Variants in SNRPB2 observed in about 807,000 individuals in gnomAD.
The protein encoded by SNRPB2 is small nuclear ribonucleoprotein polypeptide B2.
Under a neutral mutation model 26.3 loss-of-function variants are expected in SNRPB2, and 16 were observed. That is an observed-to-expected ratio of 0.61 (90% confidence interval 0.41 to 0.92). The LOEUF is 0.92. SNRPB2 is among the 40% of genes least tolerant of loss of function. The probability of loss-of-function intolerance (pLI) is 0.00; values close to 1 mark genes in which losing one functional copy is unlikely to be tolerated. For missense variants in SNRPB2, 179 were observed against 268.1 expected (o/e 0.67, Z 2.32); for synonymous variants, 75 against 89.0 (o/e 0.84, Z 0.88).
chr20:16,739,606 A>G (rs1357111606), intron 5 of SNRPB2, among the ~76,000 whole-genome samples: 1 of 152,152 alleles, frequency 6.6e-6, no homozygotes, highest in East Asian at 1.9e-4. Context: ...CCAGTTCACA[A>G]ATGCCAGCAC....
In SNRPB2 at chr20:16,741,212, T is replaced by C; in HGVS notation, c.*207T>C. On this transcript the variant is annotated 3_prime_UTR_variant, in exon 7 of 7. Coordinates refer to ENST00000246071, the MANE Select transcript of SNRPB2 (RefSeq NM_003092.5). The stretch of plus-strand genomic sequence containing the variant: ...TTTGTACAATAAACTTTTATTTGTA[T>C]TCTGTGTATATAATGCTTTCTTGAT... 1 of 462,184 alleles carries C rather than the reference T, an allele frequency of 2.2e-6. No individual in the cohort carries two copies. Among genetic ancestry groups the C allele is most frequent in the Non-Finnish European group, 3.8e-6 (1 of 260,098 alleles). 28.6% of individuals were successfully genotyped at this position (462,184 alleles called of 1,614,324 possible).
intron 3 of SNRPB2, among the ~76,000 whole-genome samples, chr20:16,734,495 GCTT>G (rs1164338345): frequency 2.0e-5 from 3 of 152,152 alleles, no homozygotes; most frequent in Non-Finnish European, 4.4e-5. Context: ...CTTCCTAAGG[GCTT>G]CGTCATGAAA....
chr20:16,737,419 A>C lies in SNRPB2; in HGVS notation c.378+18A>C. ...CTGGCCAGGTAAGAAAGACCAAGAA[A>C]GTTCCTGTTTGTATTGGTGTTAAAA... On this transcript the variant is annotated intron_variant, in intron 4 of 6. Coordinates refer to ENST00000246071, the MANE Select transcript of SNRPB2 (RefSeq NM_003092.5). 1.3e-6 allele frequency: 2 copies of C among 1,569,912 alleles called. No individual in the cohort carries two copies. The highest frequency in any genetic ancestry group is 1.7e-6 in the Non-Finnish European group (2 of 1,167,184).
rs575647565 is a variant in SNRPB2 at position 16,741,738 on chromosome 20, A to C, written c.*733A>C. 6.6e-6 allele frequency: 1 copy of C among 152,306 alleles called. No homozygotes were observed. Among genetic ancestry groups the C allele is most frequent in the South Asian group, 2.1e-4 (1 of 4,826 alleles). 9.4% of individuals were successfully genotyped at this position (152,306 alleles called of 1,614,324 possible). On this transcript the variant is annotated 3_prime_UTR_variant, in exon 7 of 7. Coordinates refer to ENST00000246071, the MANE Select transcript of SNRPB2 (RefSeq NM_003092.5). The stretch of plus-strand genomic sequence containing the variant: ...GATCTATAGTCTCTTTTCCCCCTTA[A>C]GACAAATAGACTGATTAATAAAGAG...
chr20:16,738,302 C>T (rs773822624), intron 4 of SNRPB2, among the ~76,000 whole-genome samples: 6 of 151,354 alleles, frequency 4.0e-5, no homozygotes, highest in Admixed American at 2.6e-4. Context: ...ATTACCTGGC[C>T]GTGGTGGTGG....
intron 3 of SNRPB2, among the ~76,000 whole-genome samples, chr20:16,735,110 C>G (rs1459406902): frequency 6.6e-6 from 1 of 152,168 alleles, no homozygotes; most frequent in African/African-American, 2.4e-5. Context: ...AGGCCTACTC[C>G]CTCCCCTCTT....
chr20:16,733,854 G>A (rs1001092297), intron 3 of SNRPB2, among the ~76,000 whole-genome samples: 2 of 152,124 alleles, frequency 1.3e-5, no homozygotes, highest in African/African-American at 2.4e-5. Context: ...CACCATTTTT[G>A]TGGAAAAGCC....
At chr20:16,737,130 T>C in intron 3 of SNRPB2, 131 bp from the exon 4 acceptor site, 8 of 646,728 alleles carry the variant, frequency 1.2e-5, no homozygotes, top group Non-Finnish European at 2.0e-5. Context: ...CAGTATATTC[T>C]GACAGATTTT....
At chr20:16,732,478 A>T in intron 3 of SNRPB2, 142 bp downstream of exon 3, 2 of 543,372 alleles carry the variant, frequency 3.7e-6, no homozygotes, top group Non-Finnish European at 6.4e-6. Flanking sequence ...TTTATAGAAA[A>T]ACAGTAGTGG....
In SNRPB2 at chr20:16,732,317, C is replaced by T; in HGVS notation, c.218C>T (p.Pro73Leu). The change falls in exon 3 of 7, where the codon CCA becomes CTA. Residue 73 changes from proline (P) to leucine (L), a missense_variant. Physicochemically the swap from Pro to Leu is moderately conservative, Grantham distance 98 (BLOSUM62 -3). This residue lies in a region of SNRPB2 where 145 missense variants were observed against 180.7 expected (regional missense o/e 0.80). Coordinates refer to ENST00000246071, the MANE Select transcript of SNRPB2 (RefSeq NM_003092.5). ...TNALRQLQGFPFYGKPMRIQY... is the reference protein window; with the variant it reads ...TNALRQLQGFLFYGKPMRIQY... ...GCCTTGAGACAGCTACAAGGATTTC[C>T]ATTTTATGGTAAACCAATGGTAAGC... The T allele has an allele frequency of 2.5e-6, 4 of 1,577,560 alleles. No homozygotes were observed. The highest frequency in any genetic ancestry group is 2.7e-5 in the African/African-American group (2 of 72,846).
At chr20:16,738,628 C>G (rs745449581) in intron 4 of SNRPB2, among the ~76,000 whole-genome samples, 5 of 151,876 alleles carry the variant, frequency 3.3e-5, no homozygotes, top group Non-Finnish European at 5.9e-5. Context: ...TTATAATATA[C>G]TATTTAAAGT....
At chr20:16,739,044 G>A (rs1488934708) in intron 5 of SNRPB2, 142 bp downstream of exon 5, 1 of 618,736 alleles carries the variant, frequency 1.6e-6, no homozygotes, top group South Asian at 2.0e-5. Flanking sequence ...CCACTGCAAT[G>A]TAAGAACTCA....
chr20:16,734,199 T>G, intron 3 of SNRPB2, among the ~76,000 whole-genome samples: 1 of 152,132 alleles, frequency 6.6e-6, no homozygotes, highest in South Asian at 2.1e-4. Flanking sequence ...AGTGGGAAAG[T>G]GTATTAGATT....
intron 3 of SNRPB2, among the ~76,000 whole-genome samples, chr20:16,733,494 A>G (rs2072406180): frequency 6.6e-6 from 1 of 152,252 alleles, no homozygotes; most frequent in Non-Finnish European, 1.5e-5. Context: ...TTATAGTAAT[A>G]TAACCAGTGG....
intron 2 of SNRPB2, 26 bp downstream of exon 2, chr20:16,731,792 C>T: frequency 6.2e-7 from 1 of 1,610,944 alleles, no homozygotes; most frequent in Non-Finnish European, 8.5e-7. Flanking sequence ...AATACTTGTT[C>T]ACTACTAAAA....
chr20:16,742,260 T>C lies in SNRPB2; in HGVS notation c.*1255T>C, dbSNP rs1267600921. On this transcript the variant is annotated 3_prime_UTR_variant, in exon 7 of 7. Coordinates refer to ENST00000246071, the MANE Select transcript of SNRPB2 (RefSeq NM_003092.5). ...GCCATGTTCTTGTATATTACAGTGA[T>C]GTCAATTGCTGATAAATTTTCTAAC... 1 of 152,226 alleles carries C rather than the reference T, an allele frequency of 6.6e-6. No homozygotes were observed. The highest frequency in any genetic ancestry group is 1.5e-5 in the Non-Finnish European group (1 of 68,036). The allele number at this position is 152,226 out of a possible 1,614,324, so 9.4% of individuals were successfully genotyped here. A position where few individuals can be genotyped will look rare whatever the true frequency, so the allele number is the denominator to read the frequency against.
chr20:16,737,330 A>G lies in SNRPB2; in HGVS notation c.307A>G (p.Lys103Glu), dbSNP rs1288488834. 1 of 1,607,902 alleles carries G rather than the reference A, an allele frequency of 6.2e-7. No individual in the cohort carries two copies. The highest frequency in any genetic ancestry group is 1.7e-5 in the Admixed American group (1 of 58,738). The change falls in exon 4 of 7, where the codon AAG becomes GAG. Residue 103 changes from lysine to glutamate, a missense_variant. Lys to Glu is a moderately conservative substitution (Grantham distance 56, BLOSUM62 1). Coordinates refer to ENST00000246071, the MANE Select transcript of SNRPB2 (RefSeq NM_003092.5). Reference protein sequence around the residue: ...KMRGTFADKEKKKEKKKAKTV... With the variant: ...KMRGTFADKEEKKEKKKAKTV... ...GCGTGGAACTTTTGCTGACAAAGAAAAGAAAAAAGAAAAGAAAAAAGCCAA... is the reference window on the plus strand; with the variant it reads ...GCGTGGAACTTTTGCTGACAAAGAAGAGAAAAAAGAAAAGAAAAAAGCCAA...
At chr20:16,739,291 T>C (rs187138001) in intron 5 of SNRPB2, among the ~76,000 whole-genome samples, 51 of 152,244 alleles carry the variant, frequency 3.3e-4, no homozygotes, top group Middle Eastern at 6.8e-3. Context: ...AACACTACAG[T>C]GTTACACTCT....
intron 4 of SNRPB2, among the ~76,000 whole-genome samples, chr20:16,737,773 T>G (rs1415128312): frequency 2.6e-5 from 4 of 152,104 alleles, no homozygotes; most frequent in Non-Finnish European, 4.4e-5. Context: ...GCAGTGGCTC[T>G]TGCCTGTAAT....
Sources: gnomAD v4.1 joint callset for allele counts (sites outside exome capture counted in the v4.1 genomes callset) on GRCh38, gnomAD v4.1.1 for gene constraint, gnomAD v4.1.1 regional missense constraint, MANE v1.5 for transcripts, NCBI Gene and HGNC (gene_info 2026-07-23, HGNC 2026-07-21) for gene names.